The following NCOA1 variants were observed in gnomAD, a reference collection of about 807,000 sequenced individuals.
The protein encoded by NCOA1 is Hin-2 protein.
NCOA1 carries 35 observed loss-of-function variants against 150.9 expected under a neutral mutation model. That is an observed-to-expected ratio of 0.23 (90% confidence interval 0.18 to 0.31). NCOA1 has a LOEUF of 0.31. Among genes scored for constraint, NCOA1 ranks in the 10% least tolerant of loss-of-function variants. NCOA1 has a pLI of 1.00. For missense variants in NCOA1, 1,491 were observed against 1,749.3 expected, an observed-to-expected ratio of 0.85 and a Z score of 2.63; for synonymous variants, 590 against 630.0, an observed-to-expected ratio of 0.94 and a Z score of 0.95.
At chr2:24,521,242 A>G (rs1358573338) in intron 1 of NCOA1, among the ~76,000 whole-genome samples, 1 of 152,184 alleles carries the variant, frequency 6.6e-6, no homozygotes, top group African/African-American at 2.4e-5. Flanking sequence ...GTCACCTCAC[A>G]TATGTTTTTG....
chr2:24,571,558 A>G (rs897783510), intron 2 of NCOA1, among the ~76,000 whole-genome samples: 2 of 152,184 alleles, frequency 1.3e-5, no homozygotes, highest in Non-Finnish European at 2.9e-5. Flanking sequence ...GTATCCAGGC[A>G]TTCTAGCCCT....
At chr2:24,606,199 A>G (rs1465217011) in intron 3 of NCOA1, among the ~76,000 whole-genome samples, 2 of 151,770 alleles carry the variant, frequency 1.3e-5, no homozygotes, top group Non-Finnish European at 2.9e-5. Context: ...TGATATTTAT[A>G]CCTTCATAAT....
At chr2:24,672,210 C>T (rs1046382180) in intron 6 of NCOA1, among the ~76,000 whole-genome samples, 1 of 151,924 alleles carries the variant, frequency 6.6e-6, no homozygotes, top group African/African-American at 2.4e-5. Context: ...ATGGCAACCT[C>T]AGAATAATGG....
intron 9 of NCOA1, 49 bp downstream of exon 9, chr2:24,691,709 A>C (rs770252400): frequency 1.3e-6 from 2 of 1,556,736 alleles, no homozygotes; most frequent in South Asian, 1.2e-5. Context: ...TGTGACTTTA[A>C]GGAAAAGAGA....
intron 3 of NCOA1, among the ~76,000 whole-genome samples, chr2:24,641,324 G>T (rs1670207352): frequency 6.6e-6 from 1 of 150,550 alleles, no homozygotes; most frequent in African/African-American, 2.4e-5. Flanking sequence ...ATATATTTTT[G>T]TATAATCACT....
chr2:24,626,925 CTG>C (rs1377067406), intron 3 of NCOA1, among the ~76,000 whole-genome samples: 1 of 152,150 alleles, frequency 6.6e-6, no homozygotes, highest in East Asian at 1.9e-4. Context: ...GAGTTCAACT[CTG>C]TATCCCTAGC....
intron 1 of NCOA1, among the ~76,000 whole-genome samples, chr2:24,517,449 T>A (rs1664248179): frequency 1.3e-5 from 2 of 152,088 alleles, no homozygotes; most frequent in African/African-American, 4.8e-5. Flanking sequence ...CTTCTTGGAT[T>A]TCCCTTATCT....
chr2:24,746,781 G>T (rs1000657009), intron 19 of NCOA1, among the ~76,000 whole-genome samples: 1 of 152,048 alleles, frequency 6.6e-6, no homozygotes, highest in African/African-American at 2.4e-5. Context: ...CTATAATGGT[G>T]GGTACATATC....
chr2:24,732,359 C>T (rs1465687336), intron 17 of NCOA1, among the ~76,000 whole-genome samples: 5 of 152,144 alleles, frequency 3.3e-5, no homozygotes, highest in Non-Finnish European at 7.4e-5. Context: ...GTTATAAGCC[C>T]CATGTATGTC....
In NCOA1 at chr2:24,693,262, A is replaced by C. The variant is rs763731600; in HGVS notation, c.723A>C (p.Ser241=). ...TCTTGTTTTGGGCAGATTTCCAGTC[A>C]TGTCTGATTTGTATTGCACGGCGAT... ...SIQEDGEDFQ[S]CLICIARRLP... Residue 241 remains serine, a synonymous_variant, in exon 10 of 23, where the codon TCA becomes TCC. Transcript: ENST00000348332. The C allele has an allele frequency of 1.9e-6, 3 of 1,613,956 alleles. No homozygotes were observed. The highest frequency in any genetic ancestry group is 1.3e-5 in the African/African-American group (1 of 74,878).
intron 1 of NCOA1, among the ~76,000 whole-genome samples, chr2:24,502,641 A>G (rs1663513466): frequency 6.6e-6 from 1 of 152,114 alleles, no homozygotes; most frequent in Non-Finnish European, 1.5e-5. Flanking sequence ...TTCATTTCCC[A>G]CTAGTCTGCC....
chr2:24,601,552 A>G (rs1377519082), intron 3 of NCOA1, among the ~76,000 whole-genome samples: 1 of 151,394 alleles, frequency 6.6e-6, no homozygotes, highest in Non-Finnish European at 1.5e-5. Flanking sequence ...TTTTTCTGAC[A>G]GTTTTATTGA....
At chr2:24,716,143 C>CAAA (rs35089767) in intron 14 of NCOA1, among the ~76,000 whole-genome samples, 12 of 85,338 alleles carry the variant, frequency 1.4e-4, no homozygotes, top group African/African-American at 5.5e-4. Flanking sequence ...GACTCCGTCT[C>CAAA]AAAAAAAAAA....
At chr2:24,654,917 A>G (rs1034780373) in intron 4 of NCOA1, among the ~76,000 whole-genome samples, 2 of 151,828 alleles carry the variant, frequency 1.3e-5, no homozygotes, top group Admixed American at 1.3e-4. Flanking sequence ...CTTTGTTCAT[A>G]TCTCTCACTT....
intron 3 of NCOA1, among the ~76,000 whole-genome samples, chr2:24,630,066 C>T (rs145575127): frequency 6.5e-4 from 98 of 151,900 alleles, no homozygotes; most frequent in African/African-American, 2.2e-3. Context: ...AGGATGGTCT[C>T]GATCTCCTGA....
intron 3 of NCOA1, among the ~76,000 whole-genome samples, chr2:24,614,199 CTTTTTTTTTTTTTTTTTTT>C (rs869113477): frequency 2.2e-4 from 2 of 9,174 alleles, no homozygotes; most frequent in East Asian, 3.9e-3. Flanking sequence ...CATTTCCATT[CTTTTTTTTTTTTTTTTTTT>C]TTTTTTTTTT....
At chr2:24,748,618 A>C (rs1279716250) in intron 19 of NCOA1, among the ~76,000 whole-genome samples, 1 of 16,340 alleles carries the variant, frequency 6.1e-5, no homozygotes, top group Non-Finnish European at 5.8e-4. Context: ...CTCGGTCTCA[A>C]AAAAAAAAAA....
At chr2:24,655,233 G>A (rs1376380997) in intron 4 of NCOA1, among the ~76,000 whole-genome samples, 7 of 152,114 alleles carry the variant, frequency 4.6e-5, no homozygotes, top group Non-Finnish European at 5.9e-5. Context: ...TTTTTGGCTA[G>A]TATTTACCTT....
At chr2:24,663,092 G>T (rs1218548461) in intron 5 of NCOA1, among the ~76,000 whole-genome samples, 1 of 151,826 alleles carries the variant, frequency 6.6e-6, no homozygotes, top group Admixed American at 6.6e-5. Flanking sequence ...GCTGTATCCA[G>T]CTGAACCTGT....
Sources: allele counts gnomAD v4.1 joint callset (sites outside exome capture counted in the v4.1 genomes callset), GRCh38; gene constraint gnomAD v4.1.1; transcripts MANE v1.5; gene names NCBI Gene and HGNC (gene_info 2026-07-23, HGNC 2026-07-21).